PCNX2: variants seen among roughly 807,000 people sequenced by gnomAD.
PCNX2 encodes pecanex 2.
In PCNX2, 168 loss-of-function variants were observed where a neutral mutation model predicts 223.8. The observed-to-expected ratio is 0.75, with a 90% confidence interval of 0.66 to 0.85. The LOEUF (loss-of-function observed/expected upper bound fraction) is 0.85, where lower values mean the gene tolerates loss of function less well. PCNX2 is among the 40% of genes least tolerant of loss of function. The pLI is 0.00. For synonymous variants in PCNX2, 1,006 were observed against 1,052.6 expected, an observed-to-expected ratio of 0.96 and a Z score of 0.86; for missense variants, 2,507 against 2,675.5, an observed-to-expected ratio of 0.94 and a Z score of 1.39.
At chr1:233,027,051 G>A (rs76318633) in intron 25 of PCNX2, among the ~76,000 whole-genome samples, 1 of 152,134 alleles carries the variant, frequency 6.6e-6, no homozygotes, top group African/African-American at 2.4e-5. Flanking sequence ...GACATTTAAA[G>A]GTTGGACAGG....
intron 10 of PCNX2, among the ~76,000 whole-genome samples, chr1:233,223,203 A>G (rs1657494457): frequency 6.6e-6 from 1 of 152,162 alleles, no homozygotes; most frequent in South Asian, 2.1e-4. Context: ...GCAGTAGGAG[A>G]AATTAACTCT....
At chr1:233,202,458 T>C (rs1681175587) in intron 13 of PCNX2, among the ~76,000 whole-genome samples, 1 of 152,212 alleles carries the variant, frequency 6.6e-6, no homozygotes, top group African/African-American at 2.4e-5. Flanking sequence ...TAAATTACCA[T>C]ATTTGCAGGT....
In PCNX2 at chr1:233,258,707, G is replaced by T. The variant is rs984026679; in HGVS notation, c.1155C>A (p.Asn385Lys). ...GGGAGCTTTCCAAATCTGTCATGGA[G>T]TTTGGGGTACTGCTCATCGTGATAA... ...KIVITMSSTP[N>K]SMTDLESSLH... is the part of the protein sequence containing the mutation. Residue 385 changes from asparagine to lysine, a missense_variant, in exon 5 of 34, where the codon AAC becomes AAA. Transcript: ENST00000258229. 2 of 1,613,882 alleles carry T rather than the reference G, an allele frequency of 1.2e-6. No homozygotes were observed. The highest frequency in any genetic ancestry group is 2.7e-5 in the African/African-American group (2 of 74,948).
At chr1:233,249,559 G>C (rs1205415005) in intron 8 of PCNX2, among the ~76,000 whole-genome samples, 1 of 152,190 alleles carries the variant, frequency 6.6e-6, no homozygotes, top group African/African-American at 2.4e-5. Context: ...CTGTTGGCTG[G>C]AGAAGAAGAA....
Position 233,113,944 on chromosome 1 carries a change from C to T in PCNX2, c.3838-18081G>A, listed in dbSNP as rs1392828271. On this transcript the variant is annotated intron_variant, in intron 21 of 33. Coordinates refer to ENST00000258229, the MANE Select transcript of PCNX2 (RefSeq NM_014801.4). ...TGTAAGAGAGCAATATTCAACATTC[C>T]GGAGTTTTATTTCATATCTACTCTG... Among the ~76,000 whole-genome samples the T allele has an allele frequency of 4.6e-5, 7 of 152,148 alleles. No individual in the cohort carries two copies. In the East Asian group the frequency reaches 7.7e-4, roughly 17 times the overall value.
intron 17 of PCNX2, among the ~76,000 whole-genome samples, chr1:233,177,300 G>T (rs896827974): frequency 5.3e-5 from 8 of 152,198 alleles, no homozygotes; most frequent in Non-Finnish European, 1.2e-4. Context: ...ATTTAAAGGT[G>T]TTTTTACCTT....
At chr1:233,309,775 G>A in the PCNX2 span, among the ~76,000 whole-genome samples, 3 of 151,826 alleles carry the variant, frequency 2.0e-5, no homozygotes, top group African/African-American at 4.8e-5. Context: ...CTACTCAGGC[G>A]GCTGAGGTGT....
intron 15 of PCNX2, among the ~76,000 whole-genome samples, chr1:233,184,920 T>G (rs1680004588): frequency 6.6e-6 from 1 of 151,726 alleles, no homozygotes; most frequent in African/African-American, 2.4e-5. Flanking sequence ...ACCTCACACT[T>G]CCACACAACT....
At chr1:233,286,359 T>C (rs1332482366) in intron 1 of PCNX2, among the ~76,000 whole-genome samples, 2 of 151,658 alleles carry the variant, frequency 1.3e-5, no homozygotes, top group East Asian at 3.9e-4. Flanking sequence ...ACCATTTGGG[T>C]TGGGGTAGAA....
chr1:233,101,924 A>G (rs16858662), intron 21 of PCNX2, among the ~76,000 whole-genome samples: 20,095 of 152,272 alleles, frequency 0.13, 1,444 homozygotes, highest in East Asian at 0.21. Context: ...AAAATCTGTC[A>G]TCCATGATAA....
intron 19 of PCNX2, among the ~76,000 whole-genome samples, chr1:233,154,711 A>C (rs1252614334): frequency 1.3e-5 from 2 of 152,244 alleles, no homozygotes; most frequent in Admixed American, 1.3e-4. Context: ...ACATGAAATT[A>C]ATTGTAAGCT....
chr1:233,018,307 T>C (rs535019897), intron 26 of PCNX2, among the ~76,000 whole-genome samples: 1 of 152,104 alleles, frequency 6.6e-6, no homozygotes, highest in African/African-American at 2.4e-5. Context: ...ACAGGGGTGA[T>C]CCACTGTGCC....
At chr1:233,038,608 G>A (rs1671538551) in intron 25 of PCNX2, among the ~76,000 whole-genome samples, 1 of 152,152 alleles carries the variant, frequency 6.6e-6, no homozygotes, top group Non-Finnish European at 1.5e-5. Context: ...ATTATTGTAT[G>A]GGTAAGTTTG....
intron 28 of PCNX2, among the ~76,000 whole-genome samples, chr1:233,007,189 C>A (rs1558158195): frequency 6.6e-6 from 1 of 151,270 alleles, no homozygotes; most frequent in South Asian, 2.1e-4. Flanking sequence ...AGCCATTGTA[C>A]TCCAGCTTGG....
chr1:233,191,626 G>C (rs1200597852), intron 15 of PCNX2, among the ~76,000 whole-genome samples: 2 of 151,392 alleles, frequency 1.3e-5, no homozygotes, highest in Non-Finnish European at 2.9e-5. Context: ...TTATAGATGG[G>C]TCTAGACTGA....
intron 32 of PCNX2, among the ~76,000 whole-genome samples, chr1:232,988,639 T>G (rs1669582837): frequency 6.6e-6 from 1 of 152,226 alleles, no homozygotes; most frequent in African/African-American, 2.4e-5. Flanking sequence ...TCGTGGCACT[T>G]AATTCCTTTG....
intron 33 of PCNX2, chr1:232,985,086 A>G (rs1289227020): frequency 6.6e-6 from 1 of 152,112 alleles, no homozygotes; most frequent in Non-Finnish European, 1.5e-5. Flanking sequence ...TGAAGTAACC[A>G]CCTCTTTCCT....
chr1:233,126,316 G>C lies in PCNX2; in HGVS notation c.3837+8697C>G, dbSNP rs894179182. The C allele has an allele frequency of 6.6e-6, 1 of 152,098 alleles. No individual in the cohort carries two copies. Among genetic ancestry groups the C allele is most frequent in the South Asian group, 2.1e-4 (1 of 4,828 alleles). The allele number at this position is 152,098 out of a possible 1,614,324, so 9.4% of individuals were successfully genotyped here. A position where few individuals can be genotyped will look rare whatever the true frequency, so the allele number is the denominator to read the frequency against. ...CACAGAAAAGCTTGGAAACAAACTA[G>C]GTGCCTGTTAATAATGAAATAACTC... On this transcript the variant is annotated intron_variant, in intron 21 of 33. Transcript: ENST00000258229. This position sits in a 1 kb window ranked among gnomAD's most constrained non-coding sequence, Gnocchi z 4.8.
In PCNX2 at chr1:233,014,738, C is replaced by T. The variant is rs748248856; in HGVS notation, c.4879G>A (p.Val1627Met). 1.2e-6 allele frequency: 2 copies of T among 1,613,928 alleles called. No individual in the cohort carries two copies. The highest frequency in any genetic ancestry group is 1.7e-5 in the Admixed American group (1 of 60,024). The part of the protein sequence containing the change: ...TLDSDEDSPL[V>M]TLSFALCTLG... ...GTGCACAGGGCGAAGGACAGAGTCA[C>T]CAAGGGAGAGTCCTCGTCACTGTCC... is the stretch of plus-strand genomic sequence containing the variant. The change falls in exon 28 of 34, where the codon GTG (valine) becomes ATG (methionine). Residue 1627 changes from valine (V) to methionine (M), a missense_variant. By Grantham distance (21) the Val-to-Met change is conservative. Transcript: ENST00000258229.
Sources: allele counts gnomAD v4.1 joint callset (sites outside exome capture counted in the v4.1 genomes callset), GRCh38; gene constraint gnomAD v4.1.1; non-coding constraint Gnocchi (gnomAD v3.1); transcripts MANE v1.5; gene names NCBI Gene and HGNC (gene_info 2026-07-23, HGNC 2026-07-21).